Variants in CSMD1 observed in about 807,000 individuals in gnomAD.
CSMD1 encodes CUB and sushi domain-containing protein 1.
A neutral mutation model predicts 417.5 loss-of-function variants in CSMD1; 213 were observed. That is an observed-to-expected ratio of 0.51 (90% confidence interval 0.46 to 0.57). CSMD1 has a LOEUF of 0.57. CSMD1 is among the 20% of genes least tolerant of loss of function. The pLI is 0.00. For missense variants in CSMD1, 6,923 were observed against 4,529.7 expected, an observed-to-expected ratio of 1.53 and a Z score of -15.17; for synonymous variants, 2,862 against 1,736.8, an observed-to-expected ratio of 1.65 and a Z score of -16.11.
intron 1 of CSMD1, among the ~76,000 whole-genome samples, chr8:4,973,147 G>T (rs571763996): frequency 3.9e-5 from 6 of 152,208 alleles, no homozygotes; most frequent in African/African-American, 7.2e-5. Context: ...CAAGAAATAT[G>T]CATTAATTAT....
chr8:4,442,070 T>G (rs1312085867), intron 2 of CSMD1, among the ~76,000 whole-genome samples: 1 of 152,166 alleles, frequency 6.6e-6, no homozygotes, highest in Non-Finnish European at 1.5e-5. Flanking sequence ...TCAAAACTGC[T>G]CAGAGTTTGA....
chr8:3,271,390 C>G (rs966003034), intron 26 of CSMD1, among the ~76,000 whole-genome samples: 1 of 151,856 alleles, frequency 6.6e-6, no homozygotes. Flanking sequence ...AATAAACATA[C>G]GTGTACATGT....
intron 4 of CSMD1, among the ~76,000 whole-genome samples, chr8:4,007,589 G>C (rs1278125499): frequency 6.6e-6 from 1 of 152,090 alleles, no homozygotes. Context: ...TGAGTGCAAA[G>C]CAATGGAATG....
At chr8:4,324,559 G>A (rs932469558) in intron 3 of CSMD1, among the ~76,000 whole-genome samples, 13 of 152,134 alleles carry the variant, frequency 8.5e-5, no homozygotes, top group Admixed American at 2.0e-4. Context: ...CAATGCCAGG[G>A]AATAATTTCA....
chr8:4,320,969 G>C (rs1175295375), intron 3 of CSMD1, among the ~76,000 whole-genome samples: 1 of 152,088 alleles, frequency 6.6e-6, no homozygotes, highest in Non-Finnish European at 1.5e-5. Context: ...GCCAGGTCCA[G>C]TTTCAGCATT....
chr8:4,339,883 G>C (rs1200059238), intron 3 of CSMD1, among the ~76,000 whole-genome samples: 1 of 151,984 alleles, frequency 6.6e-6, no homozygotes, highest in Non-Finnish European at 1.5e-5. Flanking sequence ...AAATTATTCT[G>C]GCATGGTGGC....
rs551473080 is a variant in CSMD1, at chr8:4,552,334, C to A, written c.302+85008G>T. On this transcript the variant is annotated intron_variant, in intron 2 of 69. Transcript: ENST00000635120. ...TATCCCTACACTCAAATCTCACATT[C>A]TTTTTTTTTTCTTTTGGCTTCTGTG... is the stretch of plus-strand genomic sequence containing the variant. Among the ~76,000 whole-genome samples, 21 of 149,918 alleles carry A rather than the reference C, an allele frequency of 1.4e-4. No homozygotes were observed. In the East Asian group the frequency reaches 2.2e-3, roughly 15 times the overall value.
intron 26 of CSMD1, among the ~76,000 whole-genome samples, chr8:3,233,136 T>C (rs1420507377): frequency 6.6e-6 from 1 of 152,194 alleles, no homozygotes; most frequent in Non-Finnish European, 1.5e-5. Context: ...TTCTACTTCA[T>C]AAATACTATG....
intron 2 of CSMD1, among the ~76,000 whole-genome samples, chr8:4,481,656 C>G (rs1801106867): frequency 6.6e-6 from 1 of 152,098 alleles, no homozygotes; most frequent in Non-Finnish European, 1.5e-5. Flanking sequence ...GGTTAAATAC[C>G]TGAGTCCACA....
At chr8:3,121,662 A>G (rs1387504043) in intron 41 of CSMD1, among the ~76,000 whole-genome samples, 3 of 152,128 alleles carry the variant, frequency 2.0e-5, no homozygotes, top group African/African-American at 7.2e-5. Context: ...GGCTGGGAGC[A>G]GTGACTCATG....
At chr8:4,120,766 G>C (rs554458853) in intron 3 of CSMD1, among the ~76,000 whole-genome samples, 2 of 152,310 alleles carry the variant, frequency 1.3e-5, no homozygotes, top group East Asian at 1.9e-4. Context: ...AGGACACCTA[G>C]TTAAAACATG....
intron 3 of CSMD1, among the ~76,000 whole-genome samples, chr8:4,198,465 GGGATGAGAAAGAAATCACTAGA>G (rs904698958): frequency 7.9e-5 from 12 of 152,162 alleles, no homozygotes; most frequent in African/African-American, 2.7e-4. Context: ...ATGGATTTGG[GGGATGAGAAAGAAATCACTAGA>G]GGATGAGAAA....
chr8:4,964,784 A>G (rs1366812392), intron 1 of CSMD1, among the ~76,000 whole-genome samples: 1 of 152,250 alleles, frequency 6.6e-6, no homozygotes, highest in Non-Finnish European at 1.5e-5. Context: ...TGTGAATGAA[A>G]TTGTTCTTTT....
chr8:4,526,910 G>C (rs1272817727), intron 2 of CSMD1, among the ~76,000 whole-genome samples: 1 of 151,936 alleles, frequency 6.6e-6, no homozygotes, highest in East Asian at 1.9e-4. Context: ...GATCAAACAT[G>C]ACTTCGTCAA....
chr8:2,972,063 C>G (rs1804507576), intron 57 of CSMD1, among the ~76,000 whole-genome samples: 1 of 151,634 alleles, frequency 6.6e-6, no homozygotes, highest in Non-Finnish European at 1.5e-5. Flanking sequence ...TATAAATATG[C>G]AAATATATGC....
At chr8:3,136,944 A>G in intron 41 of CSMD1, among the ~76,000 whole-genome samples, 1 of 152,188 alleles carries the variant, frequency 6.6e-6, no homozygotes, top group East Asian at 1.9e-4. Flanking sequence ...TTAAAAACAT[A>G]TTTTTTTTAA....
intron 2 of CSMD1, among the ~76,000 whole-genome samples, chr8:4,557,399 A>G (rs73184903): frequency 0.016 from 2,384 of 152,252 alleles, 32 homozygotes; most frequent in Non-Finnish European, 0.026. Flanking sequence ...AAGAATTCAC[A>G]GCATAGTAAT....
At chr8:4,399,530 C>G (rs112758415) in intron 3 of CSMD1, among the ~76,000 whole-genome samples, 108 of 152,246 alleles carry the variant, frequency 7.1e-4, no homozygotes, top group African/African-American at 2.4e-3. Flanking sequence ...AAACTTTCCT[C>G]TCTGAATCCT....
chr8:3,319,597 CTT>C (rs1425416756), intron 23 of CSMD1, among the ~76,000 whole-genome samples: 1 of 152,014 alleles, frequency 6.6e-6, no homozygotes, highest in Non-Finnish European at 1.5e-5. Context: ...TCAACAATAA[CTT>C]TTAAAAAGAA....
Sources: allele counts gnomAD v4.1 joint callset (sites outside exome capture counted in the v4.1 genomes callset), GRCh38; gene constraint gnomAD v4.1.1; transcripts MANE v1.5; gene names NCBI Gene and HGNC (gene_info 2026-07-23, HGNC 2026-07-21).